The following SYCP2L variants were observed in gnomAD, a reference collection of about 807,000 sequenced individuals.
SYCP2L encodes synaptonemal complex protein 2-like.
Under a neutral mutation model 125.8 loss-of-function variants are expected in SYCP2L, and 98 were observed. The ratio of observed to expected loss-of-function variants is 0.78; its 90% CI spans 0.66 to 0.92. The LOEUF (loss-of-function observed/expected upper bound fraction) is 0.92, where lower values mean the gene tolerates loss of function less well. Ranked by LOEUF, SYCP2L falls within the 40% of genes least tolerant of loss-of-function variation. SYCP2L has a pLI of 0.00. For missense variants in SYCP2L, 842 were observed against 936.4 expected (o/e 0.90, Z 1.32); for synonymous variants, 317 against 325.4 (o/e 0.97, Z 0.28).
At chr6:10,889,493 CTA>C (rs2113277334) in intron 1 of SYCP2L, among the ~76,000 whole-genome samples, 1 of 152,210 alleles carries the variant, frequency 6.6e-6, no homozygotes, top group Admixed American at 6.5e-5. Flanking sequence ...CCTTGCAGTA[CTA>C]TCTTACTCTA....
At chr6:10,915,532 G>C (rs372336984) in intron 14 of SYCP2L, among the ~76,000 whole-genome samples, 18 of 152,250 alleles carry the variant, frequency 1.2e-4, no homozygotes, top group African/African-American at 2.9e-4. Context: ...AATCATAAAG[G>C]GATGCTGGAT....
chr6:10,952,964 G>A (rs1041076329), intron 23 of SYCP2L, among the ~76,000 whole-genome samples: 4 of 152,082 alleles, frequency 2.6e-5, no homozygotes, highest in African/African-American at 9.7e-5. Flanking sequence ...TTCTTAATGT[G>A]TTTCTTTTCT....
intron 14 of SYCP2L, among the ~76,000 whole-genome samples, chr6:10,923,264 G>A (rs1703711535): frequency 2.0e-5 from 3 of 151,866 alleles, no homozygotes; most frequent in African/African-American, 7.3e-5. Context: ...TGTATTCTTG[G>A]CCTCTTTGTG....
chr6:10,934,739 C>T (rs1438539635), intron 20 of SYCP2L, among the ~76,000 whole-genome samples: 1 of 152,122 alleles, frequency 6.6e-6, no homozygotes, highest in African/African-American at 2.4e-5. Context: ...ACTGTGAAAA[C>T]CAGAGTCTGG....
At chr6:10,907,772 G>A (rs1780523747) in intron 10 of SYCP2L, 88 bp downstream of exon 10, 1 of 1,405,160 alleles carries the variant, frequency 7.1e-7, no homozygotes, top group African/African-American at 1.4e-5. Context: ...GCTTACGGGA[G>A]GATTTTTTTG....
intron 21 of SYCP2L, 139 bp from the exon 22 acceptor site, chr6:10,942,318 GAC>G (rs1781239047): frequency 5.0e-6 from 3 of 595,366 alleles, no homozygotes; most frequent in East Asian, 3.0e-5. Flanking sequence ...TGTCCCGAAA[GAC>G]ACAGTCAGTA....
chr6:10,927,416 A>C, intron 17 of SYCP2L, 49 bp downstream of exon 17: 1 of 1,486,404 alleles, frequency 6.7e-7, no homozygotes, highest in Non-Finnish European at 9.3e-7. Context: ...TGAGAAATAA[A>C]GGGACGGACT....
At chr6:10,933,575 C>T (rs972846999) in intron 20 of SYCP2L, among the ~76,000 whole-genome samples, 5 of 152,130 alleles carry the variant, frequency 3.3e-5, no homozygotes, top group African/African-American at 1.2e-4. Flanking sequence ...GACCACACTT[C>T]GAGACCACAC....
intron 29 of SYCP2L, among the ~76,000 whole-genome samples, chr6:10,969,574 C>T (rs1029011247): frequency 6.6e-6 from 1 of 151,838 alleles, no homozygotes; most frequent in Non-Finnish European, 1.5e-5. Flanking sequence ...CCGTTTTAGC[C>T]AGGATGGTCT....
At chr6:10,955,507 T>C (rs1292527813) in intron 24 of SYCP2L, among the ~76,000 whole-genome samples, 1 of 152,226 alleles carries the variant, frequency 6.6e-6, no homozygotes, top group African/African-American at 2.4e-5. Flanking sequence ...ATATGGTTGA[T>C]AGTTATCAAC....
At chr6:10,910,308 A>T in intron 11 of SYCP2L, 108 bp downstream of exon 11, 1 of 1,013,402 alleles carries the variant, frequency 9.9e-7, no homozygotes, top group Non-Finnish European at 1.5e-6. Flanking sequence ...TATTGGGTAC[A>T]TCATTTACAG....
Position 10,935,114 on chromosome 6 carries a change from T to G in SYCP2L, c.1740T>G (p.Ser580=). The G allele has an allele frequency of 1.2e-6, 2 of 1,613,134 alleles. No homozygotes were observed. Among genetic ancestry groups the G allele is most frequent in the East Asian group, 4.5e-5 (2 of 44,724 alleles). Residue 580 remains serine (S), a synonymous_variant, in exon 21 of 30, where the codon TCT becomes TCG. Transcript: ENST00000283141. ...KEIPEQNNTT[S]PKTSEQKFQD... ...TACCCGAGCAAAATAACACCACATC[T>G]CCAAAGACTTCTGAACAAAAATTCC...
At chr6:10,905,141 T>TCAAAA (rs1780463295) in intron 8 of SYCP2L, among the ~76,000 whole-genome samples, 1 of 20,944 alleles carries the variant, frequency 4.8e-5, no homozygotes. Context: ...AGACTTGGTC[T>TCAAAA]CAAAAAAAAA....
At chr6:10,955,549 T>C (rs948867527) in intron 24 of SYCP2L, among the ~76,000 whole-genome samples, 9 of 152,190 alleles carry the variant, frequency 5.9e-5, no homozygotes, top group African/African-American at 2.2e-4. Flanking sequence ...TCTATACCGA[T>C]TAAGAAGAAT....
intron 29 of SYCP2L, among the ~76,000 whole-genome samples, chr6:10,972,446 CT>C (rs1326608084): frequency 6.6e-6 from 1 of 152,172 alleles, no homozygotes; most frequent in Non-Finnish European, 1.5e-5. Context: ...AGGGCTTTTA[CT>C]TTTTTCCCTG....
chr6:10,918,181 G>A (rs1780722800), intron 14 of SYCP2L, among the ~76,000 whole-genome samples: 2 of 146,112 alleles, frequency 1.4e-5, no homozygotes, highest in Non-Finnish European at 3.0e-5. Context: ...CTGGACGACA[G>A]AGCGAGACTC....
chr6:10,938,567 G>C (rs1343708439), intron 21 of SYCP2L, among the ~76,000 whole-genome samples: 1 of 152,020 alleles, frequency 6.6e-6, no homozygotes, highest in Non-Finnish European at 1.5e-5. Context: ...TTCTATCCAG[G>C]CAAGAAAAAG....
At chr6:10,948,854 T>C (rs1781361220) in intron 23 of SYCP2L, among the ~76,000 whole-genome samples, 1 of 152,190 alleles carries the variant, frequency 6.6e-6, no homozygotes, top group Non-Finnish European at 1.5e-5. Flanking sequence ...TTATTTCAAT[T>C]TCCTTAATAG....
intron 14 of SYCP2L, among the ~76,000 whole-genome samples, chr6:10,921,204 C>A (rs1038800812): frequency 7.9e-5 from 12 of 152,152 alleles, no homozygotes; most frequent in Admixed American, 4.6e-4. Context: ...CTGCAAAGGA[C>A]ATGATCTCAT....
Sources: allele counts gnomAD v4.1 joint callset (sites outside exome capture counted in the v4.1 genomes callset), GRCh38; gene constraint gnomAD v4.1.1; transcripts MANE v1.5; gene names NCBI Gene and HGNC (gene_info 2026-07-23, HGNC 2026-07-21).